The following ABLIM3 variants were observed in gnomAD, a reference collection of about 807,000 sequenced individuals.
The protein encoded by ABLIM3 is actin-binding LIM protein 3.
In ABLIM3, 61 loss-of-function variants were observed where a neutral mutation model predicts 109.5. The ratio of observed to expected loss-of-function variants is 0.56; its 90% confidence interval spans 0.45 to 0.69. ABLIM3 has a LOEUF of 0.69. Among genes scored for constraint, ABLIM3 ranks in the 30% least tolerant of loss-of-function variants. The probability of loss-of-function intolerance (pLI) is 0.00; values close to 1 mark genes in which losing one functional copy is unlikely to be tolerated. For synonymous variants in ABLIM3, 300 were observed against 324.8 expected, an observed-to-expected ratio of 0.92 and a Z score of 0.82; for missense variants, 796 against 889.5, an observed-to-expected ratio of 0.89 and a Z score of 1.34.
intron 2 of ABLIM3, among the ~76,000 whole-genome samples, chr5:149,158,699 T>C (rs929196002): frequency 1.3e-5 from 2 of 152,124 alleles, no homozygotes; most frequent in African/African-American, 4.8e-5. Flanking sequence ...AACCAAAAGC[T>C]AAAATTACAC....
At chr5:149,144,884 G>A (rs1330633950) in intron 2 of ABLIM3, among the ~76,000 whole-genome samples, 1 of 152,206 alleles carries the variant, frequency 6.6e-6, no homozygotes, top group Non-Finnish European at 1.5e-5. Context: ...TGGTAAAACT[G>A]TGCATACTAA....
intron 4 of ABLIM3, 139 bp from the exon 5 acceptor site, chr5:149,200,177 T>C (rs766853923): frequency 9.8e-6 from 7 of 713,616 alleles, no homozygotes; most frequent in South Asian, 6.9e-5. Flanking sequence ...GGCCTGTCAC[T>C]GTGAACAGCA....
intron 2 of ABLIM3, among the ~76,000 whole-genome samples, chr5:149,177,633 C>T (rs1027008037): frequency 1.3e-5 from 2 of 152,206 alleles, no homozygotes; most frequent in African/African-American, 2.4e-5. Flanking sequence ...GAATGGTCTG[C>T]AGCCAAGGAG....
intron 8 of ABLIM3, among the ~76,000 whole-genome samples, chr5:149,223,823 C>T (rs1238827333): frequency 1.3e-5 from 2 of 152,158 alleles, no homozygotes; most frequent in Non-Finnish European, 2.9e-5. Flanking sequence ...GCTCCCTAAC[C>T]CCCAACTTCC....
intron 3 of ABLIM3, among the ~76,000 whole-genome samples, chr5:149,188,608 G>A (rs1757197813): frequency 1.3e-5 from 2 of 152,216 alleles, no homozygotes; most frequent in Non-Finnish European, 2.9e-5. Flanking sequence ...GCATGGCAGA[G>A]AGAGAAAGGG....
chr5:149,152,279 C>A (rs1753504099), intron 2 of ABLIM3, among the ~76,000 whole-genome samples: 1 of 152,158 alleles, frequency 6.6e-6, no homozygotes, highest in Admixed American at 6.5e-5. Context: ...CCACTGCAGT[C>A]CAGTAGATGA....
In ABLIM3 at chr5:149,198,327, A is replaced by C. The variant is rs1314766516; in HGVS notation, c.260A>C (p.Asp87Ala). Residue 87 changes from aspartate (D) to alanine (A), a missense_variant, in exon 4 of 24, where the codon GAC becomes GCC. Asp to Ala is a moderately radical substitution (Grantham distance 126). Coordinates refer to ENST00000309868, the MANE Select transcript of ABLIM3 (RefSeq NM_014945.5). The surrounding 1 kb of genome is among the most constrained non-coding windows in gnomAD (Gnocchi z 4.2). ...GGCACCCGCTGTGACAGCTGCCGGGACTTCATCACAGGCGAAGTCATCTCG... is the reference window on the plus strand; with the variant it reads ...GGCACCCGCTGTGACAGCTGCCGGGCCTTCATCACAGGCGAAGTCATCTCG... ...LYGTRCDSCR[D>A]FITGEVISAL... 4 of 1,614,188 alleles carry C rather than the reference A, an allele frequency of 2.5e-6. No individual in the cohort carries two copies. The highest frequency in any genetic ancestry group is 2.7e-5 in the African/African-American group (2 of 75,050).
rs541744215 is a variant in ABLIM3, at chr5:149,216,820, C to T, written c.670-139C>T. 1.0e-3 allele frequency: 720 copies of T among 713,556 alleles called. 14 individuals are homozygous for T. Among genetic ancestry groups the T allele is most frequent in the South Asian group, 6.8e-3 (396 of 58,604 alleles). 44.2% of individuals were successfully genotyped at this position (713,556 alleles called of 1,614,324 possible). ...TGGTCTTTTAGATGGTTGTGGACTC[C>T]CTTGGGTAGCTCCAACCAACTTTAG... On this transcript the variant is annotated intron_variant, in intron 7 of 23. Transcript: ENST00000309868.
At position 149,258,749 on chromosome 5, in the gene ABLIM3, C is replaced by T. The variant is rs1449771695; in HGVS notation, c.*345C>T. On this transcript the variant is annotated 3_prime_UTR_variant, in exon 24 of 24. Transcript: ENST00000309868. ...TCTCTCTTCTCTCTGCTTCGTGGCC[C>T]CTTTCTTAAATTTCTAGGGCTGATG... The T allele has an allele frequency of 2.0e-6, 2 of 1,005,002 alleles. No individual in the cohort carries two copies. Among genetic ancestry groups the T allele is most frequent in the Non-Finnish European group, 2.4e-6 (2 of 843,354 alleles). 62.3% of individuals were successfully genotyped at this position (1,005,002 alleles called of 1,614,324 possible). A position where few individuals can be genotyped will look rare whatever the true frequency, so the allele number is the denominator to read the frequency against.
intron 21 of ABLIM3, 62 bp downstream of exon 21, chr5:149,251,481 G>T (rs1006705582): frequency 1.3e-6 from 2 of 1,577,758 alleles, no homozygotes; most frequent in Non-Finnish European, 8.7e-7. Context: ...ACTCAAAACT[G>T]CAGCTTGACC....
chr5:149,184,746 G>A (rs934531325), intron 3 of ABLIM3, among the ~76,000 whole-genome samples: 1 of 152,116 alleles, frequency 6.6e-6, no homozygotes, highest in African/African-American at 2.4e-5. Flanking sequence ...TGAAACCCGC[G>A]GTTCTTTTTA....
chr5:149,203,580 A>G (rs1758685783), intron 5 of ABLIM3, among the ~76,000 whole-genome samples: 1 of 151,974 alleles, frequency 6.6e-6, no homozygotes, highest in Non-Finnish European at 1.5e-5. Flanking sequence ...TATGAACAAC[A>G]CCACCATCAC....
At chr5:149,214,340 G>A (rs1759841517) in intron 7 of ABLIM3, among the ~76,000 whole-genome samples, 1 of 152,198 alleles carries the variant, frequency 6.6e-6, no homozygotes, top group African/African-American at 2.4e-5. Context: ...GGGCGTTCTT[G>A]GTGATGGGAA....
chr5:149,194,222 C>G (rs530107729), intron 3 of ABLIM3, among the ~76,000 whole-genome samples: 100 of 151,998 alleles, frequency 6.6e-4, no homozygotes, highest in Admixed American at 2.6e-3. Context: ...TTCTACAAGT[C>G]TAAAATGTAA....
At chr5:149,246,737 A>G (rs1753399345) in intron 17 of ABLIM3, among the ~76,000 whole-genome samples, 191 bp downstream of exon 17, 1 of 152,252 alleles carries the variant, frequency 6.6e-6, no homozygotes, top group Non-Finnish European at 1.5e-5. Context: ...GCTCAAAAAA[A>G]TGTCATAGGA....
chr5:149,170,263 T>TCTCTCTCTCC, intron 2 of ABLIM3, among the ~76,000 whole-genome samples: 1 of 149,096 alleles, frequency 6.7e-6, no homozygotes, highest in Non-Finnish European at 1.5e-5. Flanking sequence ...TCTCTCTCTC[T>TCTCTCTCTCC]CCTTCTCCCT....
intron 2 of ABLIM3, among the ~76,000 whole-genome samples, chr5:149,142,431 A>G (rs1172757213): frequency 6.6e-6 from 1 of 151,928 alleles, no homozygotes; most frequent in African/African-American, 2.4e-5. Flanking sequence ...TCTGAGGAGA[A>G]CTCCCTGCAC....
At chr5:149,235,607 G>C (rs2963503) in intron 10 of ABLIM3, among the ~76,000 whole-genome samples, 2,891 of 152,322 alleles carry the variant, frequency 0.019, 35 homozygotes, top group Middle Eastern at 0.027. Context: ...AAAATGAATA[G>C]TTATGGGTCG....
chr5:149,141,952 G>A (rs1752494647), intron 1 of ABLIM3, 57 bp from the exon 2 acceptor site: 1 of 1,181,762 alleles, frequency 8.5e-7, no homozygotes, highest in Non-Finnish European at 1.3e-6. Flanking sequence ...GACAGCAGAG[G>A]GAGAGAGAGC....
Sources: allele counts gnomAD v4.1 joint callset (sites outside exome capture counted in the v4.1 genomes callset), GRCh38; gene constraint gnomAD v4.1.1; non-coding constraint Gnocchi (gnomAD v3.1); transcripts MANE v1.5; gene names NCBI Gene and HGNC (gene_info 2026-07-23, HGNC 2026-07-21).